The following MYO1B variants were observed in gnomAD, a reference collection of about 807,000 sequenced individuals.
MYO1B encodes myosin IB.
Under a neutral mutation model 159.7 loss-of-function variants are expected in MYO1B, and 72 were observed. That is an observed-to-expected ratio of 0.45 (90% confidence interval 0.37 to 0.55). The LOEUF (loss-of-function observed/expected upper bound fraction) is 0.55, where lower values mean the gene tolerates loss of function less well. MYO1B is among the 20% of genes least tolerant of loss of function. MYO1B has a pLI of 0.00. For synonymous variants in MYO1B, 468 were observed against 473.8 expected, an observed-to-expected ratio of 0.99 and a Z score of 0.16; for missense variants, 1,062 against 1,364.8, an observed-to-expected ratio of 0.78 and a Z score of 3.50.
chr2:191,252,016 G>C (rs1686154861), intron 1 of MYO1B, among the ~76,000 whole-genome samples: 1 of 152,122 alleles, frequency 6.6e-6, no homozygotes, highest in African/African-American at 2.4e-5. Flanking sequence ...CTTCCTAACT[G>C]ATCATTTTTT....
At chr2:191,316,958 C>T (rs1372916785) in intron 3 of MYO1B, among the ~76,000 whole-genome samples, 2 of 152,204 alleles carry the variant, frequency 1.3e-5, no homozygotes, top group African/African-American at 4.8e-5. Flanking sequence ...TGCCGCACCT[C>T]TGCAGGTTTC....
At chr2:191,309,405 A>C (rs1689854852) in intron 3 of MYO1B, among the ~76,000 whole-genome samples, 1 of 151,402 alleles carries the variant, frequency 6.6e-6, no homozygotes, top group South Asian at 2.1e-4. Flanking sequence ...CCCTGCTTCA[A>C]CTCTCCTGTT....
intron 27 of MYO1B, among the ~76,000 whole-genome samples, chr2:191,413,202 A>G (rs1319554857): frequency 6.6e-6 from 1 of 152,208 alleles, no homozygotes; most frequent in East Asian, 1.9e-4. Context: ...TATGAAGTTG[A>G]AAATATCATA....
At chr2:191,409,409 C>T (rs1697128535) in intron 26 of MYO1B, among the ~76,000 whole-genome samples, 1 of 152,162 alleles carries the variant, frequency 6.6e-6, no homozygotes, top group African/African-American at 2.4e-5. Context: ...ACGGGGAGCA[C>T]AGGGCTGCAT....
chr2:191,346,378 T>G, intron 6 of MYO1B, 96 bp downstream of exon 6: 1 of 768,076 alleles, frequency 1.3e-6, no homozygotes, highest in East Asian at 3.3e-5. Context: ...ATACACACAT[T>G]TTTAAAATAA....
chr2:191,374,988 G>A (rs935984086), intron 13 of MYO1B, among the ~76,000 whole-genome samples: 3 of 152,170 alleles, frequency 2.0e-5, no homozygotes, highest in African/African-American at 7.2e-5. Flanking sequence ...ATACTTATCT[G>A]ACAGGCATTA....
chr2:191,255,017 T>C (rs1157735774), intron 1 of MYO1B, among the ~76,000 whole-genome samples: 1 of 152,106 alleles, frequency 6.6e-6, no homozygotes, highest in Non-Finnish European at 1.5e-5. Flanking sequence ...AGGATCGAAC[T>C]CCTGGGCACA....
intron 17 of MYO1B, 86 bp downstream of exon 17, chr2:191,387,536 G>A (rs1695469141): frequency 8.2e-7 from 1 of 1,215,038 alleles, no homozygotes; most frequent in Non-Finnish European, 1.2e-6. Flanking sequence ...CAATCTGAGT[G>A]TAGCCCAAGC....
intron 2 of MYO1B, among the ~76,000 whole-genome samples, chr2:191,292,545 A>G (rs1688744829): frequency 6.6e-6 from 1 of 152,224 alleles, no homozygotes; most frequent in Non-Finnish European, 1.5e-5. Context: ...TTTATCACAC[A>G]GATAAAACCT....
At chr2:191,322,496 G>A (rs1436082919) in intron 3 of MYO1B, among the ~76,000 whole-genome samples, 1 of 152,074 alleles carries the variant, frequency 6.6e-6, no homozygotes, top group Non-Finnish European at 1.5e-5. Context: ...ATTTTGTTGA[G>A]TAACTCTTAG....
At chr2:191,371,058 G>C (rs1694332518) in intron 13 of MYO1B, 2 of 152,018 alleles carry the variant, frequency 1.3e-5, no homozygotes, top group African/African-American at 4.8e-5. Flanking sequence ...TTTCCTTTTT[G>C]CCCCCTTGCT....
At chr2:191,375,454 C>T (rs1343459448) in intron 13 of MYO1B, among the ~76,000 whole-genome samples, 1 of 138,272 alleles carries the variant, frequency 7.2e-6, no homozygotes, top group Admixed American at 7.6e-5. Flanking sequence ...AAGATGACAA[C>T]TGCTATGATT....
chr2:191,351,018 A>C (rs1692884410), intron 7 of MYO1B, among the ~76,000 whole-genome samples: 1 of 152,044 alleles, frequency 6.6e-6, no homozygotes. Context: ...AGTTTGGAAA[A>C]TGTAAGATGA....
rs1257881728 is a variant in MYO1B, at chr2:191,390,318, C to T, written c.1808C>T (p.Ala603Val). 2 of 1,613,582 alleles carry T rather than the reference C, an allele frequency of 1.2e-6. No individual in the cohort carries two copies. Among genetic ancestry groups the T allele is most frequent in the Admixed American group, 1.7e-5 (1 of 59,958 alleles). The change falls in exon 18 of 31, where the codon GCA becomes GTA. Residue 603 changes from alanine (A) to valine (V), a missense_variant. Physicochemically the swap from Ala to Val is moderately conservative, Grantham distance 64. This residue lies in a region of MYO1B where 609 missense variants were observed against 744.4 expected (regional missense o/e 0.82). Coordinates refer to ENST00000392318, the MANE Select transcript of MYO1B (RefSeq NM_001130158.3). ...IRCIKPNDKK[A>V]AHIFNEALVC... The stretch of plus-strand genomic sequence containing the variant: ...TGTATCAAACCGAATGATAAAAAAG[C>T]AGCACACATCTTCAACGAGGCTCTA...
rs116746652 is a variant in MYO1B, at chr2:191,319,268, C to T, written c.252-10667C>T. Among the ~76,000 whole-genome samples, 583 of 152,158 alleles carry T rather than the reference C, an allele frequency of 3.8e-3. 2 individuals are homozygous for T. Among genetic ancestry groups the T allele is most frequent in the African/African-American group, 0.013 (551 of 41,504 alleles). The stretch of plus-strand genomic sequence containing the variant: ...CCTTTACTTAGAGTGGCAACCAGGA[C>T]AGGGGTAAGGGAGGGAATGGGAGTG... On this transcript the variant is annotated intron_variant, in intron 3 of 30. Coordinates refer to ENST00000392318, the MANE Select transcript of MYO1B (RefSeq NM_001130158.3).
intron 20 of MYO1B, among the ~76,000 whole-genome samples, chr2:191,395,522 C>T (rs930646064): frequency 5.9e-5 from 9 of 152,224 alleles, no homozygotes; most frequent in African/African-American, 1.4e-4. Context: ...TTTAGTACTT[C>T]GAAATGCTGT....
chr2:191,306,962 G>A (rs1207354401), intron 3 of MYO1B, among the ~76,000 whole-genome samples: 1 of 152,168 alleles, frequency 6.6e-6, no homozygotes, highest in Non-Finnish European at 1.5e-5. Flanking sequence ...AGTTCAGTTT[G>A]TTTACTGGAA....
At chr2:191,379,674 C>T (rs1195911745) in intron 13 of MYO1B, among the ~76,000 whole-genome samples, 2 of 151,966 alleles carry the variant, frequency 1.3e-5, no homozygotes, top group African/African-American at 4.8e-5. Context: ...CACATTTGTT[C>T]CATGAGACTG....
intron 7 of MYO1B, among the ~76,000 whole-genome samples, chr2:191,354,830 T>C (rs1246037567): frequency 2.0e-5 from 3 of 152,200 alleles, no homozygotes; most frequent in African/African-American, 7.2e-5. Flanking sequence ...TTGCACAGTT[T>C]CAGGGGCAGG....
Sources: allele counts gnomAD v4.1 joint callset (sites outside exome capture counted in the v4.1 genomes callset), GRCh38; gene constraint gnomAD v4.1.1; regional missense constraint gnomAD v4.1.1; transcripts MANE v1.5; gene names NCBI Gene and HGNC (gene_info 2026-07-23, HGNC 2026-07-21).